GLMN: variants seen among roughly 807,000 people sequenced by gnomAD.
The protein encoded by GLMN is glomulin.
GLMN carries 75 observed loss-of-function variants against 87.8 expected under a neutral mutation model. That is an observed-to-expected ratio of 0.85 (90% CI 0.71 to 1.04). GLMN has a LOEUF of 1.04. Ranked by LOEUF, GLMN falls within the 50% of genes least tolerant of loss-of-function variation. GLMN has a pLI of 0.00. For synonymous variants in GLMN, 206 were observed against 221.6 expected (o/e 0.93, Z 0.63); for missense variants, 588 against 658.8 (o/e 0.89, Z 1.18).
At chr1:92,345,863 T>G in the GLMN span, 1 of 1,599,510 alleles carries the variant, frequency 6.3e-7, no homozygotes, top group South Asian at 1.1e-5. Context: ...AATAGAAATA[T>G]TATACACAAA....
chr1:92,289,057 T>C lies in GLMN; in HGVS notation c.489A>G (p.Lys163=), dbSNP rs760239360. The part of the protein sequence containing the change: ...QLSLLPVPYS[K]EQIQMDDYGL... Reference sequence around the variant, plus strand: ...CATAGTCATCCATTTGTATTTGTTCTTTTGAGTATGGAACAGGAAGAAGAG... The same window carrying C: ...CATAGTCATCCATTTGTATTTGTTCCTTTGAGTATGGAACAGGAAGAAGAG... Residue 163 remains lysine (K), a synonymous_variant, in exon 6 of 19, where the codon AAA becomes AAG. Coordinates refer to ENST00000370360, the MANE Select transcript of GLMN (RefSeq NM_053274.3). The C allele has an allele frequency of 2.2e-5, 36 of 1,611,072 alleles. No individual in the cohort carries two copies. The highest frequency in any genetic ancestry group is 3.1e-5 in the Non-Finnish European group (36 of 1,177,362).
In GLMN at chr1:92,262,929, GTTAA is replaced by G; in HGVS notation, c.1410-7_1410-4del. ...ATAAATTTAATGAAGCCATAATCCT[GTTAA>G]TTAAAAATATATGTTACTTACAGTA... On this transcript the variant is annotated splice_polypyrimidine_tract_variant and splice_region_variant and intron_variant, in intron 15 of 18. Coordinates refer to ENST00000370360, the MANE Select transcript of GLMN (RefSeq NM_053274.3). The G allele has an allele frequency of 1.9e-6, 2 of 1,043,326 alleles. No homozygotes were observed. The highest frequency in any genetic ancestry group is 3.0e-6 in the Non-Finnish European group (2 of 665,150). The allele number at this position is 1,043,326 out of a possible 1,614,324, so 64.6% of individuals were successfully genotyped here.
the GLMN span, among the ~76,000 whole-genome samples, chr1:92,344,265 C>T: frequency 0.014 from 2,123 of 152,042 alleles, 49 homozygotes; most frequent in African/African-American, 0.048. Context: ...AAAAATTAGG[C>T]GTGGTGGCAT....
At chr1:92,252,915 C>CT (rs1653716725) in intron 16 of GLMN, among the ~76,000 whole-genome samples, 1 of 152,104 alleles carries the variant, frequency 6.6e-6, no homozygotes, top group Admixed American at 6.5e-5. Context: ...TTCACTGTAG[C>CT]ATATCTCTCT....
At chr1:92,303,895 A>G, upstream of GLMN, 2 of 866,304 alleles carry the variant, frequency 2.3e-6, no homozygotes, top group Non-Finnish European at 1.8e-6. Flanking sequence ...GTGTTTTCAG[A>G]TAAGATTGAT....
chr1:92,343,194 T>C, the GLMN span, among the ~76,000 whole-genome samples: 1 of 152,132 alleles, frequency 6.6e-6, no homozygotes, highest in African/African-American at 2.4e-5. Context: ...AGTGAAAACC[T>C]GGTAAAGAAA....
At chr1:92,309,813 A>G in the GLMN span, among the ~76,000 whole-genome samples, 1 of 152,224 alleles carries the variant, frequency 6.6e-6, no homozygotes, top group African/African-American at 2.4e-5. Flanking sequence ...GATATTGAAC[A>G]TTGGCCCACT....
chr1:92,362,036 G>A, the GLMN span, among the ~76,000 whole-genome samples: 1 of 152,096 alleles, frequency 6.6e-6, no homozygotes, highest in Non-Finnish European at 1.5e-5. Context: ...ATATTAATGG[G>A]TCCTAATGGA....
At chr1:92,295,663 T>C (rs949880985) in intron 3 of GLMN, among the ~76,000 whole-genome samples, 1 of 152,144 alleles carries the variant, frequency 6.6e-6, no homozygotes, top group Non-Finnish European at 1.5e-5. Flanking sequence ...TAACCAGAGG[T>C]AGAGCAGAGT....
chr1:92,323,890 A>T, the GLMN span: 1 of 1,614,172 alleles, frequency 6.2e-7, no homozygotes, highest in Non-Finnish European at 8.5e-7. Flanking sequence ...TAGGTCAGAA[A>T]TAACTCTAGT....
chr1:92,264,765 G>A, intron 13 of GLMN, 127 bp from the exon 14 acceptor site: 1 of 685,434 alleles, frequency 1.5e-6, no homozygotes. Flanking sequence ...CACAGTAATG[G>A]TAATTAGCAA....
the GLMN span, among the ~76,000 whole-genome samples, chr1:92,354,661 T>C: frequency 1.3e-5 from 2 of 152,158 alleles, no homozygotes; most frequent in Non-Finnish European, 2.9e-5. Flanking sequence ...TTTATTTGGC[T>C]ATCATAGTTT....
chr1:92,283,379 T>C (rs1456290545), intron 7 of GLMN, among the ~76,000 whole-genome samples: 1 of 152,156 alleles, frequency 6.6e-6, no homozygotes, highest in Non-Finnish European at 1.5e-5. Flanking sequence ...CACATGATTA[T>C]CTTAATAGAT....
intron 7 of GLMN, among the ~76,000 whole-genome samples, chr1:92,277,831 A>G (rs1217042228): frequency 6.6e-6 from 1 of 152,132 alleles, no homozygotes; most frequent in African/African-American, 2.4e-5. Flanking sequence ...CACTAAATGT[A>G]AGTAAGCAGT....
the GLMN span, among the ~76,000 whole-genome samples, chr1:92,306,150 A>T: frequency 1.3e-5 from 2 of 152,206 alleles, no homozygotes; most frequent in African/African-American, 4.8e-5. Flanking sequence ...GTATGCTTTC[A>T]CTTATATGAG....
the GLMN span, among the ~76,000 whole-genome samples, chr1:92,331,080 GGATT>G: frequency 1.8e-4 from 28 of 152,118 alleles, no homozygotes; most frequent in East Asian, 4.8e-3. Context: ...CCTTAATTGT[GGATT>G]GATTATTTCT....
chr1:92,329,582 G>A, the GLMN span, among the ~76,000 whole-genome samples: 3 of 152,144 alleles, frequency 2.0e-5, no homozygotes, highest in Non-Finnish European at 4.4e-5. Context: ...ATGTTTCTGC[G>A]GTAGTTCTTG....
intron 16 of GLMN, among the ~76,000 whole-genome samples, chr1:92,255,854 T>C (rs1222008178): frequency 1.3e-5 from 2 of 151,624 alleles, no homozygotes; most frequent in African/African-American, 4.9e-5. Flanking sequence ...TTAAAAGAAA[T>C]AGAGAGGCAA....
At position 92,263,374 on chromosome 1, in the gene GLMN, A is replaced by G. The variant is rs368638428; in HGVS notation, c.1409+249T>C. On this transcript the variant is annotated intron_variant, in intron 15 of 18. Coordinates refer to ENST00000370360, the MANE Select transcript of GLMN (RefSeq NM_053274.3). ...ACAAGTGCTGTCATTGCAAATTTCT[A>G]TGGAATGCTGGGTACATAAAAGCTA... 7.0e-4 allele frequency among the ~76,000 whole-genome samples: 106 copies of G among 152,328 alleles called. 2 individuals carry two copies. The highest frequency in any genetic ancestry group is 4.8e-3 in the South Asian group (23 of 4,826).
Sources: allele counts gnomAD v4.1 joint callset (sites outside exome capture counted in the v4.1 genomes callset), GRCh38; gene constraint gnomAD v4.1.1; transcripts MANE v1.5; gene names NCBI Gene and HGNC (gene_info 2026-07-23, HGNC 2026-07-21).